The following RALGPS1 variants were observed in gnomAD, a reference collection of about 807,000 sequenced individuals.
The protein encoded by RALGPS1 is Ral GEF with PH domain and SH3 binding motif 1.
RALGPS1 carries 19 observed loss-of-function variants against 78.8 expected under a neutral mutation model. The ratio of observed to expected loss-of-function variants is 0.24; its 90% CI spans 0.17 to 0.35. RALGPS1 has a LOEUF of 0.35. RALGPS1 is among the 10% of genes least tolerant of loss of function. The pLI is 1.00. For missense variants in RALGPS1, 454 were observed against 688.3 expected, an observed-to-expected ratio of 0.66 and a Z score of 3.81; for synonymous variants, 228 against 256.3, an observed-to-expected ratio of 0.89 and a Z score of 1.06.
intron 8 of RALGPS1, among the ~76,000 whole-genome samples, chr9:127,158,729 TTTAA>T (rs750569695): frequency 1.3e-5 from 2 of 152,192 alleles, no homozygotes; most frequent in Non-Finnish European, 2.9e-5. Flanking sequence ...TTAAATGTTT[TTTAA>T]TTATTAATAT....
intron 8 of RALGPS1, among the ~76,000 whole-genome samples, chr9:127,159,409 AT>A (rs2058889076): frequency 6.6e-6 from 1 of 152,096 alleles, no homozygotes; most frequent in Admixed American, 6.5e-5. Flanking sequence ...TGCCTTTGTG[AT>A]TCATGAGCCA....
intron 8 of RALGPS1, among the ~76,000 whole-genome samples, chr9:127,147,775 G>A (rs1201121049): frequency 1.3e-5 from 2 of 152,204 alleles, no homozygotes; most frequent in South Asian, 2.1e-4. Context: ...GAAACACTTA[G>A]CACGATGCTG....
chr9:127,012,621 C>T (rs560364556), intron 4 of RALGPS1, among the ~76,000 whole-genome samples: 2 of 152,358 alleles, frequency 1.3e-5, no homozygotes, highest in African/African-American at 4.8e-5. Context: ...CTCAGCTGCA[C>T]ATGTGCTGAA....
chr9:126,967,323 C>T (rs2039609898), intron 3 of RALGPS1, among the ~76,000 whole-genome samples: 1 of 152,052 alleles, frequency 6.6e-6, no homozygotes, highest in African/African-American at 2.4e-5. Context: ...TGTGCTCTCC[C>T]ACTGTCTCTT....
intron 7 of RALGPS1, among the ~76,000 whole-genome samples, chr9:127,067,065 T>G (rs1180022118): frequency 2.0e-5 from 3 of 152,218 alleles, no homozygotes; most frequent in Non-Finnish European, 4.4e-5. Context: ...GAAAAGTTAC[T>G]TAATACTTGT....
At chr9:127,061,764 G>T (rs1387576732) in intron 7 of RALGPS1, among the ~76,000 whole-genome samples, 1 of 152,108 alleles carries the variant, frequency 6.6e-6, no homozygotes, top group African/African-American at 2.4e-5. Context: ...CCTTTCCTAT[G>T]TAGTGTTCCT....
chr9:127,138,380 T>C (rs1445915969), intron 8 of RALGPS1, among the ~76,000 whole-genome samples: 1 of 152,132 alleles, frequency 6.6e-6, no homozygotes, highest in Non-Finnish European at 1.5e-5. Context: ...TAAGTGCTTA[T>C]TGAGCACTGT....
chr9:126,960,952 C>G (rs555400109), intron 1 of RALGPS1, among the ~76,000 whole-genome samples: 1 of 152,154 alleles, frequency 6.6e-6, no homozygotes, highest in Non-Finnish European at 1.5e-5. Flanking sequence ...AGTCTCTCTC[C>G]CCTCTGACTT....
chr9:127,158,132 C>T (rs2058806927), intron 8 of RALGPS1, among the ~76,000 whole-genome samples: 1 of 151,968 alleles, frequency 6.6e-6, no homozygotes, highest in Non-Finnish European at 1.5e-5. Flanking sequence ...GCAGCTATTT[C>T]TGATTTTTCC....
chr9:127,184,237 T>C, intron 11 of RALGPS1: 1 of 550,266 alleles, frequency 1.8e-6, no homozygotes, highest in Non-Finnish European at 3.2e-6. Flanking sequence ...GCGAGATCGC[T>C]TGATCCCAGG....
intron 4 of RALGPS1, among the ~76,000 whole-genome samples, chr9:127,001,192 TG>T (rs200779076): frequency 6.7e-6 from 1 of 149,640 alleles, no homozygotes; most frequent in East Asian, 2.0e-4. Context: ...GAGGCTGAGG[TG>T]GGGGGATCAC....
At chr9:127,111,668 T>G (rs1204645908) in intron 8 of RALGPS1, among the ~76,000 whole-genome samples, 3 of 152,238 alleles carry the variant, frequency 2.0e-5, no homozygotes, top group African/African-American at 7.2e-5. Context: ...CTAAACATTT[T>G]GCAAGTGTTT....
At chr9:127,018,362 G>A (rs1417055755) in intron 4 of RALGPS1, among the ~76,000 whole-genome samples, 1 of 151,652 alleles carries the variant, frequency 6.6e-6, no homozygotes, top group Non-Finnish European at 1.5e-5. Flanking sequence ...AGTGGGCTGG[G>A]TGTAGTGGCT....
intron 1 of RALGPS1, among the ~76,000 whole-genome samples, chr9:126,934,288 T>A (rs896634537): frequency 2.6e-5 from 4 of 152,246 alleles, no homozygotes; most frequent in African/African-American, 9.6e-5. Context: ...TAAATTGAAT[T>A]ATTTTCCCTA....
At chr9:127,197,753 A>G (rs1044846303) in intron 13 of RALGPS1, among the ~76,000 whole-genome samples, 4 of 152,144 alleles carry the variant, frequency 2.6e-5, no homozygotes, top group Non-Finnish European at 4.4e-5. Context: ...TTGGGAGAAG[A>G]GTTCCAGGTC....
At chr9:127,069,501 C>A in intron 8 of RALGPS1, 145 bp downstream of exon 8, 1 of 864,082 alleles carries the variant, frequency 1.2e-6, no homozygotes, top group Non-Finnish European at 1.8e-6. Context: ...TGGGTTGGAA[C>A]AGGCTGTTGG....
intron 8 of RALGPS1, among the ~76,000 whole-genome samples, chr9:127,072,874 C>A (rs1335879276): frequency 6.6e-6 from 1 of 152,126 alleles, no homozygotes; most frequent in Non-Finnish European, 1.5e-5. Context: ...CTTGCTTTTA[C>A]TTCTATTGTC....
At chr9:127,028,039 G>C (rs1285791975) in intron 4 of RALGPS1, among the ~76,000 whole-genome samples, 1 of 152,210 alleles carries the variant, frequency 6.6e-6, no homozygotes, top group Non-Finnish European at 1.5e-5. Flanking sequence ...CCCTGGAGGA[G>C]CTCCCTATGT....
At position 127,173,009 on chromosome 9, in the gene RALGPS1, C is replaced by T. The variant is rs575804383; in HGVS notation, c.843-1706C>T. Among the ~76,000 whole-genome samples the T allele has an allele frequency of 2.5e-3, 375 of 152,214 alleles. 2 individuals carry two copies. The highest frequency in any genetic ancestry group is 8.8e-3 in the African/African-American group (365 of 41,534). On this transcript the variant is annotated intron_variant, in intron 10 of 18. Coordinates refer to ENST00000259351, the MANE Select transcript of RALGPS1 (RefSeq NM_014636.3). ...GAGGGTGGGAGAGATGTCTGGCCCTCCTCCCATGTGTGTGAGGGGGGAAAC... is the reference window on the plus strand; with the variant it reads ...GAGGGTGGGAGAGATGTCTGGCCCTTCTCCCATGTGTGTGAGGGGGGAAAC...
Sources: allele counts gnomAD v4.1 joint callset (sites outside exome capture counted in the v4.1 genomes callset), GRCh38; gene constraint gnomAD v4.1.1; transcripts MANE v1.5; gene names NCBI Gene and HGNC (gene_info 2026-07-23, HGNC 2026-07-21).